ASTN2: variants seen among roughly 807,000 people sequenced by gnomAD.
The protein encoded by ASTN2 is astrotactin 2, also known as astrotactin-2.
In ASTN2, 54 loss-of-function variants were observed where a neutral mutation model predicts 139.8. The ratio of observed to expected loss-of-function variants is 0.39; its 90% confidence interval spans 0.31 to 0.48. ASTN2 has a LOEUF of 0.48. ASTN2 is among the 20% of genes least tolerant of loss of function. The probability of loss-of-function intolerance (pLI) is 0.95; values close to 1 mark genes in which losing one functional copy is unlikely to be tolerated. For synonymous variants in ASTN2, 756 were observed against 719.5 expected (o/e 1.05, Z -0.81); for missense variants, 1,565 against 1,725.1 (o/e 0.91, Z 1.64).
At chr9:116,714,020 A>G (rs147965796) in intron 16 of ASTN2, among the ~76,000 whole-genome samples, 18 of 152,316 alleles carry the variant, frequency 1.2e-4, no homozygotes, top group African/African-American at 4.1e-4. Context: ...TATGAAGACA[A>G]TATGAGATCA....
chr9:116,750,293 T>C (rs1465669696), intron 13 of ASTN2, among the ~76,000 whole-genome samples: 1 of 152,252 alleles, frequency 6.6e-6, no homozygotes, highest in African/African-American at 2.4e-5. Flanking sequence ...AGAACTTTTT[T>C]GAATGTTAAC....
chr9:116,746,159 T>G (rs1175273720), intron 13 of ASTN2, among the ~76,000 whole-genome samples: 1 of 148,888 alleles, frequency 6.7e-6, no homozygotes, highest in Admixed American at 6.8e-5. Flanking sequence ...CCATCTCAGC[T>G]CACTGCAACT....
chr9:116,961,873 A>G (rs1835882795), intron 10 of ASTN2, among the ~76,000 whole-genome samples: 1 of 152,254 alleles, frequency 6.6e-6, no homozygotes. Context: ...TATAATGACA[A>G]CAACGGTAGC....
chr9:116,733,825 G>C (rs1282293265), intron 13 of ASTN2, among the ~76,000 whole-genome samples: 2 of 152,078 alleles, frequency 1.3e-5, no homozygotes, highest in Non-Finnish European at 2.9e-5. Flanking sequence ...AGATCTAAGG[G>C]CTGTTGTAAG....
At chr9:116,531,525 C>T (rs1007651714) in intron 19 of ASTN2, among the ~76,000 whole-genome samples, 1 of 138,080 alleles carries the variant, frequency 7.2e-6, no homozygotes, top group African/African-American at 2.6e-5. Flanking sequence ...CTCCCCCCAC[C>T]CCACGACAGG....
chr9:116,841,002 G>A (rs1226890489), intron 11 of ASTN2, among the ~76,000 whole-genome samples: 1 of 151,818 alleles, frequency 6.6e-6, no homozygotes, highest in Non-Finnish European at 1.5e-5. Context: ...CTGCAATCTC[G>A]GCACTTTGGG....
At chr9:116,960,030 T>C (rs1283253622) in intron 10 of ASTN2, among the ~76,000 whole-genome samples, 1 of 152,136 alleles carries the variant, frequency 6.6e-6, no homozygotes, top group African/African-American at 2.4e-5. Context: ...CTGTGATTTA[T>C]GCCTGTCTCG....
chr9:117,029,850 AC>A (rs946037600), intron 6 of ASTN2, among the ~76,000 whole-genome samples: 10 of 152,028 alleles, frequency 6.6e-5, no homozygotes, highest in African/African-American at 2.4e-4. Context: ...ACCTGCCAAG[AC>A]CCTATTCCAA....
chr9:116,687,218 C>A (rs759604705), intron 16 of ASTN2: 8 of 1,006,884 alleles, frequency 7.9e-6, no homozygotes, highest in Middle Eastern at 5.0e-4. Context: ...GCGCTTGGGG[C>A]CAGCTGCACG....
At chr9:117,089,918 C>CTG (rs1391986284) in intron 5 of ASTN2, among the ~76,000 whole-genome samples, 1 of 152,086 alleles carries the variant, frequency 6.6e-6, no homozygotes, top group Non-Finnish European at 1.5e-5. Context: ...TTTCTTTATC[C>CTG]ATTTATTGAT....
chr9:117,065,198 C>T (rs1197047384), intron 5 of ASTN2, among the ~76,000 whole-genome samples: 1 of 152,100 alleles, frequency 6.6e-6, no homozygotes, highest in Non-Finnish European at 1.5e-5. Flanking sequence ...TCCCTCCGTG[C>T]TTCCAGAAGA....
intron 1 of ASTN2, among the ~76,000 whole-genome samples, chr9:117,324,815 T>C (rs1284161101): frequency 6.6e-6 from 1 of 152,116 alleles, no homozygotes. Flanking sequence ...TTTCTCCTGA[T>C]ATCCATGGGT....
chr9:117,056,213 T>A (rs532203447), intron 5 of ASTN2, among the ~76,000 whole-genome samples: 10 of 152,234 alleles, frequency 6.6e-5, no homozygotes, highest in Non-Finnish European at 1.3e-4. Context: ...CCACAGAAAC[T>A]GTTAGATAAT....
At chr9:116,964,256 T>TGTGTGCGCGCGCGCGCGC (rs1491183340) in intron 10 of ASTN2, among the ~76,000 whole-genome samples, 2 of 98,868 alleles carry the variant, frequency 2.0e-5, no homozygotes, top group African/African-American at 6.5e-5. Context: ...TGTGTGTGTG[T>TGTGTGCGCGCGCGCGCGC]GCGCGCGCGC....
intron 10 of ASTN2, among the ~76,000 whole-genome samples, chr9:116,893,349 A>T (rs1481263493): frequency 6.6e-6 from 1 of 152,102 alleles, no homozygotes; most frequent in African/African-American, 2.4e-5. Flanking sequence ...CCTATTAGAG[A>T]ACATTTGGTT....
intron 1 of ASTN2, among the ~76,000 whole-genome samples, chr9:117,334,399 T>C (rs1828808622): frequency 6.6e-6 from 1 of 152,106 alleles, no homozygotes; most frequent in Admixed American, 6.5e-5. Flanking sequence ...CAGCCACACC[T>C]TGAGACATTT....
intron 10 of ASTN2, among the ~76,000 whole-genome samples, chr9:116,877,327 T>C (rs1346719332): frequency 6.6e-6 from 1 of 152,098 alleles, no homozygotes; most frequent in Non-Finnish European, 1.5e-5. Flanking sequence ...TTTTTTTGGC[T>C]ATGCTGAGCA....
chr9:117,229,281 G>A (rs753103635), intron 2 of ASTN2, among the ~76,000 whole-genome samples: 12 of 152,148 alleles, frequency 7.9e-5, no homozygotes, highest in Non-Finnish European at 1.3e-4. Flanking sequence ...CATGAGTGCT[G>A]AACCTCGATC....
intron 19 of ASTN2, among the ~76,000 whole-genome samples, chr9:116,588,809 A>T (rs1854263821): frequency 6.6e-6 from 1 of 152,202 alleles, no homozygotes. Flanking sequence ...ATCCACTTTT[A>T]TATGGGTAGC....
Sources: gnomAD v4.1 joint callset for allele counts (sites outside exome capture counted in the v4.1 genomes callset) on GRCh38, gnomAD v4.1.1 for gene constraint, MANE v1.5 for transcripts, NCBI Gene and HGNC (gene_info 2026-07-23, HGNC 2026-07-21) for gene names.